The following ZSCAN23 variants were observed in gnomAD, a reference collection of about 807,000 sequenced individuals.
The protein encoded by ZSCAN23 is zinc finger and SCAN domain-containing protein 23.
ZSCAN23 carries 19 observed loss-of-function variants against 19.3 expected under a neutral mutation model. The ratio of observed to expected loss-of-function variants is 0.99; its 90% CI spans 0.69 to 1.45. ZSCAN23 has a LOEUF of 1.45. Among genes scored for constraint, ZSCAN23 ranks in the 40% most tolerant of loss-of-function variants. The probability of loss-of-function intolerance (pLI) is 0.00; values close to 1 mark genes in which losing one functional copy is unlikely to be tolerated. For synonymous variants in ZSCAN23, 140 were observed against 166.2 expected (o/e 0.84, Z 1.21); for missense variants, 372 against 462.5 (o/e 0.80, Z 1.79).
intron 1 of ZSCAN23, among the ~76,000 whole-genome samples, chr6:28,436,802 CAGAGTCCCTCCAGCCATAGAAGGT>C (rs910490514): frequency 6.6e-6 from 1 of 152,054 alleles, no homozygotes; most frequent in Non-Finnish European, 1.5e-5. Context: ...AGAGAGGAGG[CAGAGTCCCTCCAGCCATAGAAGGT>C]AGAGTCCCTC....
Position 28,434,900 on chromosome 6 carries a change from C to T in ZSCAN23, c.735G>A (p.Val245=), listed in dbSNP as rs1761845273. 2 of 1,553,298 alleles carry T rather than the reference C, an allele frequency of 1.3e-6. No homozygotes were observed. The highest frequency in any genetic ancestry group is 8.7e-7 in the Non-Finnish European group (1 of 1,147,986). ...ATTCACTACAGATATAGGGTCTCTCCACTGAAGAGCTCACCCTTTGCTTTT... is the reference window on the plus strand; with the variant it reads ...ATTCACTACAGATATAGGGTCTCTCTACTGAAGAGCTCACCCTTTGCTTTT... The part of the protein sequence containing the change: ...RLEKQRVSSS[V]ERPYICSECG... The change falls in exon 4 of 4, where the codon GTG becomes GTA. Residue 245 remains valine (V), a synonymous_variant. Transcript: ENST00000289788.
chr6:28,438,153 G>A (rs1221952973), intron 1 of ZSCAN23, among the ~76,000 whole-genome samples: 1 of 152,030 alleles, frequency 6.6e-6, no homozygotes, highest in Non-Finnish European at 1.5e-5. Context: ...CTGGAGTACA[G>A]TGGCACAATC....
At chr6:28,442,694 A>C (rs1057309554) in intron 1 of ZSCAN23, among the ~76,000 whole-genome samples, 1 of 152,240 alleles carries the variant, frequency 6.6e-6, no homozygotes, top group Non-Finnish European at 1.5e-5. Flanking sequence ...AAAGGTTTTA[A>C]GAAAATGGAG....
chr6:28,433,221 A>G lies in ZSCAN23; in HGVS notation c.*1244T>C, dbSNP rs1761796125. ...AATCCTATAAATTCCATATACTTGTAATTTTTATTTGGTGATATAATGCCT... is the reference window on the plus strand; with the variant it reads ...AATCCTATAAATTCCATATACTTGTGATTTTTATTTGGTGATATAATGCCT... On this transcript the variant is annotated 3_prime_UTR_variant, in exon 4 of 4. Transcript: ENST00000289788. 1 of 152,076 alleles carries G rather than the reference A, an allele frequency of 6.6e-6. No individual in the cohort carries two copies. The highest frequency in any genetic ancestry group is 1.5e-5 in the Non-Finnish European group (1 of 67,978). The allele number at this position is 152,076 out of a possible 1,614,324, so 9.4% of individuals were successfully genotyped here.
At chr6:28,439,678 T>G (rs1457562450) in intron 1 of ZSCAN23, among the ~76,000 whole-genome samples, 1 of 152,230 alleles carries the variant, frequency 6.6e-6, no homozygotes, top group African/African-American at 2.4e-5. Context: ...AGATGCTTTA[T>G]ATATATTAAC....
intron 1 of ZSCAN23, among the ~76,000 whole-genome samples, chr6:28,441,859 C>G (rs1414547835): frequency 6.7e-6 from 1 of 148,880 alleles, no homozygotes; most frequent in Non-Finnish European, 1.5e-5. Context: ...AGAACACAGG[C>G]AGATCTGGTT....
chr6:28,423,198 C>T, the ZSCAN23 span, among the ~76,000 whole-genome samples: 2 of 152,094 alleles, frequency 1.3e-5, no homozygotes, highest in Admixed American at 6.5e-5. Flanking sequence ...GGCAGGGATA[C>T]ACAGACAAAG....
the ZSCAN23 span, among the ~76,000 whole-genome samples, chr6:28,424,217 T>A: frequency 6.6e-6 from 1 of 152,360 alleles, no homozygotes; most frequent in South Asian, 2.1e-4. Flanking sequence ...TTATACTACA[T>A]GACAGTCTAT....
chr6:28,426,835 G>A, the ZSCAN23 span, among the ~76,000 whole-genome samples: 1 of 152,224 alleles, frequency 6.6e-6, no homozygotes, highest in African/African-American at 2.4e-5. Flanking sequence ...TTGAGACAGA[G>A]TTTTTTCTCT....
chr6:28,440,609 G>C (rs2114040649), intron 1 of ZSCAN23, among the ~76,000 whole-genome samples: 1 of 152,194 alleles, frequency 6.6e-6, no homozygotes, highest in Middle Eastern at 3.4e-3. Context: ...AGCCACTTAT[G>C]CTTTCTTGTT....
intron 1 of ZSCAN23, 26 bp from the exon 2 acceptor site, chr6:28,436,369 A>G: frequency 7.9e-7 from 1 of 1,261,098 alleles, no homozygotes; most frequent in South Asian, 1.7e-5. Flanking sequence ...CGAAGAAAAA[A>G]ATATAAAAAT....
chr6:28,428,784 T>C (rs1165264394), downstream of ZSCAN23, among the ~76,000 whole-genome samples: 1 of 152,230 alleles, frequency 6.6e-6, no homozygotes, highest in East Asian at 1.9e-4. Flanking sequence ...CACAGTTTAC[T>C]GGGTGCTTCA....
rs1761888186 is a variant in ZSCAN23, at chr6:28,436,317, G to T, written c.-51C>A. ...AATCTATTCTTGATAATTCTCCCTT[G>T]ATCTTTTCTTCTGGAAACCCCGAGA... On this transcript the variant is annotated 5_prime_UTR_variant, in exon 2 of 4. An upstream open reading frame in the 5' UTR gains an earlier in-frame stop. Coordinates refer to ENST00000289788, the MANE Select transcript of ZSCAN23 (RefSeq NM_001012455.2). 16 of 1,339,602 alleles carry T rather than the reference G, an allele frequency of 1.2e-5. No individual in the cohort carries two copies. Among genetic ancestry groups the T allele is most frequent in the South Asian group, 6.1e-5 (3 of 49,388 alleles). 83.0% of individuals were successfully genotyped at this position (1,339,602 alleles called of 1,614,324 possible).
At chr6:28,431,034 A>G (rs1761751047), downstream of ZSCAN23, among the ~76,000 whole-genome samples, 1 of 145,220 alleles carries the variant, frequency 6.9e-6, no homozygotes, top group South Asian at 2.2e-4. Context: ...CTGGTAAACC[A>G]TTCACTCAAT....
At chr6:28,439,829 T>G (rs1479392201) in intron 1 of ZSCAN23, among the ~76,000 whole-genome samples, 4 of 152,182 alleles carry the variant, frequency 2.6e-5, no homozygotes, top group South Asian at 4.1e-4. Context: ...AAGCTGCAAT[T>G]CAAACCCAAC....
chr6:28,430,117 C>CTGAA (rs1456361068), downstream of ZSCAN23, among the ~76,000 whole-genome samples: 1 of 126,646 alleles, frequency 7.9e-6, no homozygotes, highest in African/African-American at 3.0e-5. Context: ...CTCTCCCCTG[C>CTGAA]TGAAGACACT....
chr6:28,436,041 A>G lies in ZSCAN23; in HGVS notation c.226T>C (p.Trp76Arg). 3 of 1,614,206 alleles carry G rather than the reference A, an allele frequency of 1.9e-6. No homozygotes were observed. The highest frequency in any genetic ancestry group is 2.5e-6 in the Non-Finnish European group (3 of 1,180,032). ...LQRLQELCHQ[W>R]LRPEMHTKEQ... ...TTGGTGTGCATCTCTGGTCTCAGCC[A>G]CTGATGGCAGAGCTCCTGGAGTCTT... Residue 76 changes from tryptophan (W) to arginine (R), a missense_variant, in exon 2 of 4, where the codon TGG (tryptophan) becomes CGG (arginine). Trp to Arg is a moderately radical substitution (Grantham distance 101). Coordinates refer to ENST00000289788, the MANE Select transcript of ZSCAN23 (RefSeq NM_001012455.2).
intron 1 of ZSCAN23, among the ~76,000 whole-genome samples, chr6:28,440,342 A>T (rs1364015189): frequency 6.6e-6 from 1 of 152,186 alleles, no homozygotes; most frequent in Non-Finnish European, 1.5e-5. Context: ...TTTTGAGCCA[A>T]GGGGTAACAA....
the ZSCAN23 span, among the ~76,000 whole-genome samples, chr6:28,423,822 A>G: frequency 2.0e-5 from 3 of 152,196 alleles, no homozygotes; most frequent in Non-Finnish European, 2.9e-5. Context: ...AAACTGGAAC[A>G]TATTTACTGA....
Sources: gnomAD v4.1 joint callset for allele counts (sites outside exome capture counted in the v4.1 genomes callset) on GRCh38, gnomAD v4.1.1 for gene constraint, MANE v1.5 for transcripts, NCBI Gene and HGNC (gene_info 2026-07-23, HGNC 2026-07-21) for gene names.